The following PSIP1 variants were observed in gnomAD, a reference collection of about 807,000 sequenced individuals.
The protein encoded by PSIP1 is PC4 and SRSF1 interacting protein 1.
A neutral mutation model predicts 74.7 loss-of-function variants in PSIP1; 19 were observed. The observed-to-expected ratio is 0.25, with a 90% CI of 0.18 to 0.37. The LOEUF is 0.37. Among genes scored for constraint, PSIP1 ranks in the 10% least tolerant of loss-of-function variants. The probability of loss-of-function intolerance (pLI) is 1.00; values close to 1 mark genes in which losing one functional copy is unlikely to be tolerated. For synonymous variants in PSIP1, 222 were observed against 195.3 expected (o/e 1.14, Z -1.14); for missense variants, 601 against 614.3 (o/e 0.98, Z 0.23).
At chr9:15,498,538 G>A (rs1169889831) in intron 3 of PSIP1, among the ~76,000 whole-genome samples, 3 of 151,944 alleles carry the variant, frequency 2.0e-5, no homozygotes, top group Admixed American at 1.3e-4. Flanking sequence ...CACGCAGTCC[G>A]ACAGGTTTGG....
intron 6 of PSIP1, among the ~76,000 whole-genome samples, chr9:15,481,787 T>A (rs1182788528): frequency 6.6e-6 from 1 of 152,190 alleles, no homozygotes; most frequent in Non-Finnish European, 1.5e-5. Flanking sequence ...ACACTAATAC[T>A]AAGAGATCAG....
At chr9:15,483,423 T>C (rs532254655) in intron 6 of PSIP1, among the ~76,000 whole-genome samples, 1 of 149,010 alleles carries the variant, frequency 6.7e-6, no homozygotes, top group South Asian at 2.2e-4. Context: ...AAATCCCATC[T>C]CTCGTCTACA....
intron 3 of PSIP1, among the ~76,000 whole-genome samples, chr9:15,503,173 C>T (rs1489193367): frequency 1.3e-5 from 2 of 152,086 alleles, no homozygotes; most frequent in African/African-American, 2.4e-5. Context: ...TTGAGACCAG[C>T]CTGGCCAACA....
chr9:15,488,849 G>A lies in PSIP1; in HGVS notation c.288+1137C>T, dbSNP rs549371543. On this transcript the variant is annotated intron_variant, in intron 4 of 15. Coordinates refer to ENST00000380733, the MANE Select transcript of PSIP1 (RefSeq NM_033222.5). ...ATCCTGGCTAACACGGTGAAACCCC[G>A]TCTCTACTAAAAATACAAAAAATTA... Among the ~76,000 whole-genome samples the A allele has an allele frequency of 5.2e-3, 798 of 152,158 alleles. 1 individual carries two copies. Among genetic ancestry groups the A allele is most frequent in the Non-Finnish European group, 8.4e-3 (574 of 67,988 alleles).
chr9:15,509,048 T>G (rs1412102372), intron 2 of PSIP1, among the ~76,000 whole-genome samples: 1 of 152,200 alleles, frequency 6.6e-6, no homozygotes, highest in African/African-American at 2.4e-5. Context: ...AGTGATCGTT[T>G]TACACTTGGA....
In PSIP1 at chr9:15,510,277, GCTACC is replaced by G; in HGVS notation, c.-94_-90del. On this transcript the variant is annotated 5_prime_UTR_variant, in exon 2 of 16. Coordinates refer to ENST00000380733, the MANE Select transcript of PSIP1 (RefSeq NM_033222.5). ...GATGCGGGCGGCGGACGCGGGCCCAGCTACCGGGCCCGCGGGCGGGGGAGGATGCC... is the reference window on the plus strand; with the variant it reads ...GATGCGGGCGGCGGACGCGGGCCCAGGGGCCCGCGGGCGGGGGAGGATGCC... 1 of 1,183,262 alleles carries G rather than the reference GCTACC, an allele frequency of 8.5e-7. No homozygotes were observed. Among genetic ancestry groups the G allele is most frequent in the Non-Finnish European group, 1.2e-6 (1 of 852,486 alleles). 73.3% of individuals were successfully genotyped at this position (1,183,262 alleles called of 1,614,324 possible). A position where few individuals can be genotyped will look rare whatever the true frequency, so the allele number is the denominator to read the frequency against.
At chr9:15,492,394 T>C (rs538047556) in intron 3 of PSIP1, among the ~76,000 whole-genome samples, 5 of 152,356 alleles carry the variant, frequency 3.3e-5, no homozygotes, top group African/African-American at 1.2e-4. Flanking sequence ...ATGATCTCCT[T>C]TGACTGCATG....
intron 3 of PSIP1, among the ~76,000 whole-genome samples, chr9:15,503,148 C>T (rs1300281162): frequency 2.6e-5 from 4 of 152,138 alleles, no homozygotes; most frequent in African/African-American, 9.7e-5. Context: ...AGGTGGATCA[C>T]TTGAGGTCAG....
chr9:15,487,611 A>G (rs903166029), intron 4 of PSIP1, among the ~76,000 whole-genome samples: 3 of 152,194 alleles, frequency 2.0e-5, no homozygotes, highest in African/African-American at 7.2e-5. Context: ...CCAAAAAAAC[A>G]ACAACAAAAA....
At chr9:15,499,775 G>A (rs756827173) in intron 3 of PSIP1, among the ~76,000 whole-genome samples, 13 of 151,786 alleles carry the variant, frequency 8.6e-5, no homozygotes, top group Non-Finnish European at 1.6e-4. Flanking sequence ...TCAGGAGGCT[G>A]AGGCAGGAGA....
intron 3 of PSIP1, among the ~76,000 whole-genome samples, chr9:15,490,970 A>G (rs376961258): frequency 7.4e-4 from 113 of 152,338 alleles, no homozygotes; most frequent in African/African-American, 2.5e-3. Context: ...AATGTTCTAT[A>G]AAGTCACTGT....
Position 15,510,284 on chromosome 9 carries a change from G to T in PSIP1, c.-96C>A. The T allele has an allele frequency of 9.7e-7, 1 of 1,028,308 alleles. No homozygotes were observed. Among genetic ancestry groups the T allele is most frequent in the Non-Finnish European group, 1.4e-6 (1 of 732,248 alleles). The allele number at this position is 1,028,308 out of a possible 1,614,324, so 63.7% of individuals were successfully genotyped here. A position where few individuals can be genotyped will look rare whatever the true frequency, so the allele number is the denominator to read the frequency against. On this transcript the variant is annotated 5_prime_UTR_variant, in exon 2 of 16. Transcript: ENST00000380733. ...GCGGCGGACGCGGGCCCAGCTACCG[G>T]GCCCGCGGGCGGGGGAGGATGCCTC...
chr9:15,510,318 C>G lies in PSIP1; in HGVS notation c.-130G>C, dbSNP rs2037802095. 1.6e-6 allele frequency: 1 copy of G among 607,990 alleles called. No homozygotes were observed. The highest frequency in any genetic ancestry group is 2.6e-6 in the Non-Finnish European group (1 of 379,484). 37.7% of individuals were successfully genotyped at this position (607,990 alleles called of 1,614,324 possible). On this transcript the variant is annotated 5_prime_UTR_variant, in exon 2 of 16. Coordinates refer to ENST00000380733, the MANE Select transcript of PSIP1 (RefSeq NM_033222.5). ...GCGGGGGAGGATGCCTCGGGGCGTC[C>G]CGACGCGCCTGCTAGGGAGAGCACC...
chr9:15,493,537 GTACCAATT>G (rs1381361805), intron 3 of PSIP1, among the ~76,000 whole-genome samples: 1 of 152,040 alleles, frequency 6.6e-6, no homozygotes, highest in East Asian at 1.9e-4. Context: ...CCACTTTCTG[GTACCAATT>G]TACCATATTA....
intron 3 of PSIP1, 60 bp from the exon 4 acceptor site, chr9:15,490,184 A>G: frequency 7.1e-7 from 1 of 1,418,156 alleles, no homozygotes; most frequent in Non-Finnish European, 9.3e-7. Flanking sequence ...AATTTATTAG[A>G]TAAGACACCC....
At chr9:15,506,843 G>C (rs188662533) in intron 2 of PSIP1, among the ~76,000 whole-genome samples, 1 of 152,230 alleles carries the variant, frequency 6.6e-6, no homozygotes, top group African/African-American at 2.4e-5. Context: ...GGCAAAACCT[G>C]GACTGACATT....
intron 2 of PSIP1, among the ~76,000 whole-genome samples, 177 bp downstream of exon 2, chr9:15,509,940 A>G (rs963467460): frequency 1.3e-5 from 2 of 152,232 alleles, no homozygotes; most frequent in African/African-American, 4.8e-5. Flanking sequence ...AAACGTCTGG[A>G]TTTTCATAAT....
At chr9:15,474,626 C>T (rs886918616) in intron 8 of PSIP1, among the ~76,000 whole-genome samples, 1 of 152,058 alleles carries the variant, frequency 6.6e-6, no homozygotes, top group Non-Finnish European at 1.5e-5. Context: ...AGCATGTTTT[C>T]AGACAGTGCT....
rs1232853150 is a variant in PSIP1, at chr9:15,486,808, TAGG to T, written c.393+16_393+18del. On this transcript the variant is annotated intron_variant, in intron 5 of 15. Transcript: ENST00000380733. ...TTGAAACAAAATGGGTTTAAAATGT[TAGG>T]AGAAATAGAACATACCTCATTGCTG... 1.3e-6 allele frequency: 2 copies of T among 1,535,928 alleles called. No homozygotes were observed. Among genetic ancestry groups the T allele is most frequent in the Non-Finnish European group, 1.8e-6 (2 of 1,118,660 alleles).
Sources: allele counts gnomAD v4.1 joint callset (sites outside exome capture counted in the v4.1 genomes callset), GRCh38; gene constraint gnomAD v4.1.1; transcripts MANE v1.5; gene names NCBI Gene and HGNC (gene_info 2026-07-23, HGNC 2026-07-21).